CRYBG1: variants seen among roughly 807,000 people sequenced by gnomAD.
The protein encoded by CRYBG1 is beta/gamma crystallin domain-containing protein 1.
A neutral mutation model predicts 189.2 loss-of-function variants in CRYBG1; 139 were observed. The ratio of observed to expected loss-of-function variants is 0.73; its 90% CI spans 0.64 to 0.85. The LOEUF is 0.85. Among genes scored for constraint, CRYBG1 ranks in the 40% least tolerant of loss-of-function variants. The pLI is 0.00. For missense variants in CRYBG1, 2,611 were observed against 2,675.8 expected (o/e 0.98, Z 0.53); for synonymous variants, 1,023 against 1,017.1 (o/e 1.01, Z -0.11).
chr6:106,520,816 T>C lies in CRYBG1; in HGVS notation c.3608T>C (p.Leu1203Pro). Residue 1203 changes from leucine (L) to proline (P), a missense_variant, in exon 4 of 22, where the codon CTG becomes CCG. By Grantham distance (98) the Leu-to-Pro change is moderately conservative (BLOSUM62 -3). This residue lies in a region of CRYBG1 where 1,622 missense variants were observed against 1,735.0 expected (regional missense o/e 0.93). Transcript: ENST00000633556. ...GAACAGAGCGTCCTCTTCAAGTCCC[T>C]GCACACCAACACTAATGGGAACAGT... ...SAEQSVLFKS[L>P]HTNTNGNSEP... is the part of the protein sequence containing the mutation. 6.2e-7 allele frequency: 1 copy of C among 1,614,112 alleles called. No individual in the cohort carries two copies. The highest frequency in any genetic ancestry group is 8.5e-7 in the Non-Finnish European group (1 of 1,180,004).
rs562860295 is a variant in CRYBG1 at position 106,371,178 on chromosome 6, G to A, written c.173+10097G>A. Reference sequence around the variant, plus strand: ...TGAAGTAATGCTGGTGCTGTGACACGTAATATAGTGTATTCATAATTTGTC... The same window carrying A: ...TGAAGTAATGCTGGTGCTGTGACACATAATATAGTGTATTCATAATTTGTC... On this transcript the variant is annotated intron_variant, in intron 1 of 21. Transcript: ENST00000633556. 2.1e-4 allele frequency among the ~76,000 whole-genome samples: 32 copies of A among 152,300 alleles called. 1 individual carries two copies. The highest frequency in any genetic ancestry group is 1.3e-3 in the Admixed American group (20 of 15,296).
chr6:106,474,325 C>G (rs1772293322), intron 2 of CRYBG1, among the ~76,000 whole-genome samples: 1 of 152,118 alleles, frequency 6.6e-6, no homozygotes, highest in Admixed American at 6.6e-5. Flanking sequence ...GCTTGCATGA[C>G]AGAGAAAGAC....
At chr6:106,444,059 T>A (rs773041704) in intron 1 of CRYBG1, among the ~76,000 whole-genome samples, 24 of 152,216 alleles carry the variant, frequency 1.6e-4, no homozygotes, top group Admixed American at 2.6e-4. Context: ...CCAGAAGCTT[T>A]GTTTGGTGCT....
chr6:106,521,881 G>A (rs1418788564), intron 4 of CRYBG1, among the ~76,000 whole-genome samples: 1 of 151,942 alleles, frequency 6.6e-6, no homozygotes, highest in Non-Finnish European at 1.5e-5. Context: ...ACCACGCCTG[G>A]CTAATTTTTG....
In CRYBG1 at chr6:106,546,619, C is replaced by T. The variant is rs540969509; in HGVS notation, c.5312+1686C>T. ...ATTTTGGCAGAGTATCAGTGATTTC[C>T]GGGTATTCCATTCTCAGCAGGAAAT... On this transcript the variant is annotated intron_variant, in intron 13 of 21. Coordinates refer to ENST00000633556, the MANE Select transcript of CRYBG1 (RefSeq NM_001371242.2). Among the ~76,000 whole-genome samples, 5 of 152,310 alleles carry T rather than the reference C, an allele frequency of 3.3e-5. No homozygotes were observed. The East Asian group carries it at 5.8e-4, about 18-fold the overall frequency.
At chr6:106,557,912 G>A (rs1306841861) in intron 17 of CRYBG1, among the ~76,000 whole-genome samples, 2 of 152,266 alleles carry the variant, frequency 1.3e-5, no homozygotes, top group African/African-American at 4.8e-5. Context: ...TTTGAACATA[G>A]AGCTTCCATC....
chr6:106,456,529 C>G (rs1771892858), intron 2 of CRYBG1, among the ~76,000 whole-genome samples: 1 of 152,104 alleles, frequency 6.6e-6, no homozygotes, highest in Admixed American at 6.5e-5. Flanking sequence ...CAGTTTCTAG[C>G]CTGGTTATTC....
At position 106,553,646 on chromosome 6, in the gene CRYBG1, C is replaced by T. The variant is rs766645539; in HGVS notation, c.5585+79C>T. 6.3e-6 allele frequency: 6 copies of T among 959,394 alleles called. No homozygotes were observed. In the African/African-American group the frequency reaches 9.9e-5, roughly 16 times the overall value. The allele number at this position is 959,394 out of a possible 1,614,324, so 59.4% of individuals were successfully genotyped here. Reference sequence around the variant, plus strand: ...ACACATCAGCAAGTATATAGTGATGCCTGTTAGGTGCTTGGCACTATGCGA... The same window carrying T: ...ACACATCAGCAAGTATATAGTGATGTCTGTTAGGTGCTTGGCACTATGCGA... On this transcript the variant is annotated intron_variant, in intron 16 of 21. Coordinates refer to ENST00000633556, the MANE Select transcript of CRYBG1 (RefSeq NM_001371242.2).
In CRYBG1 at chr6:106,521,012, G is replaced by A. The variant is rs369857107; in HGVS notation, c.3804G>A (p.Thr1268=). ...PSVTSVNTMT[T]AFSTSQNGSL... is the part of the protein sequence containing the mutation. The stretch of plus-strand genomic sequence containing the variant: ...TGACATCAGTCAACACTATGACCAC[G>A]GCTTTCAGTACTTCTCAGAACGGTT... The change falls in exon 4 of 22, where the codon ACG becomes ACA. Residue 1268 remains threonine, a synonymous_variant. Coordinates refer to ENST00000633556, the MANE Select transcript of CRYBG1 (RefSeq NM_001371242.2). 135 of 1,613,972 alleles carry A rather than the reference G, an allele frequency of 8.4e-5. No individual in the cohort carries two copies. The highest frequency in any genetic ancestry group is 2.0e-4 in the African/African-American group (15 of 74,888).
At chr6:106,469,475 T>C (rs1168560174) in intron 2 of CRYBG1, among the ~76,000 whole-genome samples, 2 of 151,728 alleles carry the variant, frequency 1.3e-5, no homozygotes, top group Non-Finnish European at 3.0e-5. Flanking sequence ...TGGTAAATAT[T>C]TCTTGAATGA....
At chr6:106,401,982 A>G (rs1455101350) in intron 1 of CRYBG1, among the ~76,000 whole-genome samples, 1 of 151,106 alleles carries the variant, frequency 6.6e-6, no homozygotes, top group African/African-American at 2.4e-5. Flanking sequence ...CAAAAATCAC[A>G]AGCATTCTTA....
intron 18 of CRYBG1, among the ~76,000 whole-genome samples, chr6:106,559,766 A>G (rs2114596208): frequency 6.6e-6 from 1 of 152,074 alleles, no homozygotes; most frequent in South Asian, 2.1e-4. Flanking sequence ...AGCCTGGGTG[A>G]CAAGAGTGAA....
chr6:106,531,847 C>A lies in CRYBG1; in HGVS notation c.4718+1532C>A, dbSNP rs528937044. 3.1e-3 allele frequency among the ~76,000 whole-genome samples: 465 copies of A among 152,198 alleles called. 6 individuals carry two copies. Among genetic ancestry groups the A allele is most frequent in the African/African-American group, 0.011 (444 of 41,486 alleles). On this transcript the variant is annotated intron_variant, in intron 8 of 21. Coordinates refer to ENST00000633556, the MANE Select transcript of CRYBG1 (RefSeq NM_001371242.2). ...GCAGCCCGTCTCAGAAAACAACCTT[C>A]CTCTCCCAGAAGAGTGAGAAAATAA...
chr6:106,368,907 A>C (rs1031272198), intron 1 of CRYBG1, among the ~76,000 whole-genome samples: 3 of 152,204 alleles, frequency 2.0e-5, no homozygotes, highest in Non-Finnish European at 4.4e-5. Context: ...TGTTTTCAAA[A>C]AAAATTTAAA....
At chr6:106,543,405 T>C (rs1774181900) in intron 10 of CRYBG1, 35 bp from the exon 11 acceptor site, 2 of 1,566,242 alleles carry the variant, frequency 1.3e-6, no homozygotes, top group South Asian at 1.1e-5. Flanking sequence ...GGGATACTTC[T>C]TACAGATTAC....
chr6:106,463,764 A>G (rs1772060654), intron 2 of CRYBG1, among the ~76,000 whole-genome samples: 1 of 152,138 alleles, frequency 6.6e-6, no homozygotes, highest in South Asian at 2.1e-4. Context: ...TATTCCCATG[A>G]CTACTGATTT....
rs1018492956 is a variant in CRYBG1 at position 106,499,070 on chromosome 6, T to C, written c.313-12360T>C. On this transcript the variant is annotated intron_variant, in intron 2 of 21. Transcript: ENST00000633556. ...ATATATTTTTCATTGTAGTTATTCATATATTCTGACTTTCAAATGTAAATT... is the reference window on the plus strand; with the variant it reads ...ATATATTTTTCATTGTAGTTATTCACATATTCTGACTTTCAAATGTAAATT... Among the ~76,000 whole-genome samples the C allele has an allele frequency of 3.3e-5, 5 of 151,844 alleles. No individual in the cohort carries two copies. In the South Asian group the frequency reaches 1.0e-3, roughly 32 times the overall value.
intron 4 of CRYBG1, among the ~76,000 whole-genome samples, chr6:106,523,129 G>A (rs1035895288): frequency 1.2e-4 from 18 of 144,972 alleles, no homozygotes; most frequent in African/African-American, 4.4e-4. Flanking sequence ...AGACAGAGAT[G>A]AAAAAGGCAG....
At chr6:106,373,059 C>T (rs1003874328) in intron 1 of CRYBG1, among the ~76,000 whole-genome samples, 1 of 152,086 alleles carries the variant, frequency 6.6e-6, no homozygotes, top group Non-Finnish European at 1.5e-5. Flanking sequence ...TAAAGCTTCC[C>T]GTAGAAATGT....
Sources: gnomAD v4.1 joint callset for allele counts (sites outside exome capture counted in the v4.1 genomes callset) on GRCh38, gnomAD v4.1.1 for gene constraint, gnomAD v4.1.1 regional missense constraint, MANE v1.5 for transcripts, NCBI Gene and HGNC (gene_info 2026-07-23, HGNC 2026-07-21) for gene names.